STARD10: variants seen among roughly 807,000 people sequenced by gnomAD.
STARD10 encodes StAR related lipid transfer domain containing 10, also known as START domain-containing protein 10.
STARD10 carries 24 observed loss-of-function variants against 36.0 expected under a neutral mutation model. The observed-to-expected ratio is 0.67, with a 90% CI of 0.48 to 0.94. STARD10 has a LOEUF of 0.94. Ranked by LOEUF, STARD10 falls within the 40% of genes least tolerant of loss-of-function variation. The probability of loss-of-function intolerance (pLI) is 0.00; values close to 1 mark genes in which losing one functional copy is unlikely to be tolerated. For synonymous variants in STARD10, 156 were observed against 161.9 expected, an observed-to-expected ratio of 0.96 and a Z score of 0.28; for missense variants, 335 against 396.6, an observed-to-expected ratio of 0.84 and a Z score of 1.32.
At chr11:72,757,000 C>T (rs763238801) in intron 5 of STARD10, among the ~76,000 whole-genome samples, 11 of 152,004 alleles carry the variant, frequency 7.2e-5, no homozygotes, top group Non-Finnish European at 1.6e-4. Flanking sequence ...AAAAAGTTAG[C>T]TGGGGGTGGT....
chr11:72,776,557 C>T (rs553480274), intron 2 of STARD10, among the ~76,000 whole-genome samples: 69 of 152,092 alleles, frequency 4.5e-4, no homozygotes, highest in Non-Finnish European at 8.2e-4. Flanking sequence ...AAGGGAGTGG[C>T]GAGATCTCAG....
rs748180152 is a variant in STARD10, at chr11:72,759,295, G to A, written c.294C>T (p.Asn98=). The A allele has an allele frequency of 2.2e-5, 35 of 1,614,014 alleles. No individual in the cohort carries two copies. In the East Asian group the frequency reaches 2.7e-4, roughly 12 times the overall value. The part of the protein sequence containing the change: ...DIEYRKKWDS[N]VIETFDIARL... Reference sequence around the variant, plus strand: ...GGGCGATGTCAAAAGTCTCAATGACGTTGCTGTCCCATTTCTTGCGGTACT... The same window carrying A: ...GGGCGATGTCAAAAGTCTCAATGACATTGCTGTCCCATTTCTTGCGGTACT... Residue 98 remains asparagine (N), a synonymous_variant, in exon 3 of 7, where the codon AAC becomes AAT. Transcript: ENST00000334805.
At chr11:72,779,602 G>A (rs532328025) in intron 2 of STARD10, among the ~76,000 whole-genome samples, 1 of 152,072 alleles carries the variant, frequency 6.6e-6, no homozygotes, top group Non-Finnish European at 1.5e-5. Flanking sequence ...AAAGAAAAAA[G>A]GATAGGAGAC....
chr11:72,777,022 C>T, intron 2 of STARD10, among the ~76,000 whole-genome samples: 1 of 152,188 alleles, frequency 6.6e-6, no homozygotes, highest in East Asian at 1.9e-4. Flanking sequence ...GGCTCTCAGC[C>T]ACACCCCCTC....
chr11:72,768,241 G>A (rs538702571), intron 2 of STARD10, among the ~76,000 whole-genome samples: 6 of 152,120 alleles, frequency 3.9e-5, no homozygotes, highest in Admixed American at 2.0e-4. Flanking sequence ...GAGCCCCAGC[G>A]CCAGTGCCCC....
chr11:72,760,534 T>A (rs1476938537), intron 2 of STARD10, among the ~76,000 whole-genome samples: 1 of 152,204 alleles, frequency 6.6e-6, no homozygotes, highest in Non-Finnish European at 1.5e-5. Flanking sequence ...CCTGGATTTC[T>A]TACTGTGTAT....
chr11:72,756,268 G>A (rs1858642733), intron 5 of STARD10, among the ~76,000 whole-genome samples: 2 of 152,120 alleles, frequency 1.3e-5, no homozygotes, highest in South Asian at 2.1e-4. Flanking sequence ...CTCCACCTCT[G>A]ACACCCAACA....
intron 2 of STARD10, among the ~76,000 whole-genome samples, chr11:72,761,840 C>G (rs543425606): frequency 1.3e-5 from 2 of 150,898 alleles, no homozygotes; most frequent in African/African-American, 2.4e-5. Flanking sequence ...AAGGTGTTAA[C>G]AGTGGAGATC....
chr11:72,755,008 C>A lies in STARD10; in HGVS notation c.765G>T (p.Gln255His). ...PSLALSELSV[Q>H]HADSLENIDE... ...CGATGTTCTCCAGTGAGTCCGCATG[C>A]TGCACCGACAGCTCCGACAGCGCCA... Residue 255 changes from glutamine (Q) to histidine (H), a missense_variant, in exon 7 of 7, where the codon CAG becomes CAT. Gln to His is a conservative substitution (Grantham distance 24). Transcript: ENST00000334805. The A allele has an allele frequency of 6.2e-7, 1 of 1,613,170 alleles. No homozygotes were observed. Among genetic ancestry groups the A allele is most frequent in the Non-Finnish European group, 8.5e-7 (1 of 1,179,748 alleles).
In STARD10 at chr11:72,776,746, A is replaced by G. The variant is rs138250009; in HGVS notation, c.207+4229T>C. Reference sequence around the variant, plus strand: ...ATGACCCTTTTAAGTCCCAGAGACTAGTAAGAGTGGGAAGGGCCTTGGAGA... The same window carrying G: ...ATGACCCTTTTAAGTCCCAGAGACTGGTAAGAGTGGGAAGGGCCTTGGAGA... On this transcript the variant is annotated intron_variant, in intron 2 of 6. Coordinates refer to ENST00000334805, the MANE Select transcript of STARD10 (RefSeq NM_006645.3). 3.0e-3 allele frequency among the ~76,000 whole-genome samples: 452 copies of G among 152,144 alleles called. 1 individual carries two copies. The highest frequency in any genetic ancestry group is 0.01 in the African/African-American group (427 of 41,524).
At chr11:72,762,029 GATT>G (rs1414651797) in intron 2 of STARD10, among the ~76,000 whole-genome samples, 3 of 143,788 alleles carry the variant, frequency 2.1e-5, no homozygotes, top group African/African-American at 7.7e-5. Flanking sequence ...GGGTTCAAGT[GATT>G]CTTCTGCCTC....
chr11:72,767,039 T>C (rs926173872), intron 2 of STARD10, among the ~76,000 whole-genome samples: 2 of 152,164 alleles, frequency 1.3e-5, no homozygotes, highest in African/African-American at 4.8e-5. Flanking sequence ...TGTTCTAACT[T>C]CTCCATACAT....
chr11:72,774,175 C>A (rs1003342730), intron 2 of STARD10, among the ~76,000 whole-genome samples: 2 of 152,158 alleles, frequency 1.3e-5, no homozygotes, highest in African/African-American at 4.8e-5. Flanking sequence ...GAGTAAATGG[C>A]TCAGGCACCA....
intron 2 of STARD10, among the ~76,000 whole-genome samples, chr11:72,778,620 G>A (rs1048268980): frequency 2.6e-5 from 4 of 152,282 alleles, no homozygotes; most frequent in East Asian, 3.9e-4. Context: ...TCTCTCCATT[G>A]TAGGGAGCAA....
Position 72,755,072 on chromosome 11 carries a change from T to C in STARD10, c.701A>G (p.Lys234Arg). Residue 234 changes from lysine (K) to arginine (R), a missense_variant, in exon 7 of 7, where the codon AAG becomes AGG. Lys to Arg is a conservative substitution (Grantham distance 26). Coordinates refer to ENST00000334805, the MANE Select transcript of STARD10 (RefSeq NM_006645.3). ...EWKQKHLPHF[K>R]PWLHPEQSPL... ...GCTCTGCTCCGGGTGCAGCCACGGC[T>C]TGAAGTGAGGCAGGTGCTTCTGTTT... The C allele has an allele frequency of 1.2e-6, 2 of 1,613,404 alleles. No individual in the cohort carries two copies. Among genetic ancestry groups the C allele is most frequent in the Non-Finnish European group, 8.5e-7 (1 of 1,179,788 alleles).
At chr11:72,756,346 C>A (rs1858643850) in intron 5 of STARD10, among the ~76,000 whole-genome samples, 1 of 152,120 alleles carries the variant, frequency 6.6e-6, no homozygotes, top group Non-Finnish European at 1.5e-5. Context: ...CATTTCCAGG[C>A]AAGGATGCTC....
intron 2 of STARD10, among the ~76,000 whole-genome samples, chr11:72,766,902 G>A (rs1307126191): frequency 6.6e-6 from 1 of 152,154 alleles, no homozygotes; most frequent in African/African-American, 2.4e-5. Flanking sequence ...CTTGCCCATG[G>A]GATATGTGGG....
intron 1 of STARD10, among the ~76,000 whole-genome samples, chr11:72,784,540 T>C (rs1334147781): frequency 2.0e-5 from 3 of 152,096 alleles, no homozygotes; most frequent in Non-Finnish European, 4.4e-5. Context: ...CAAAAATGCA[T>C]GGTTCCAACA....
At chr11:72,765,181 G>A (rs1164680080) in intron 2 of STARD10, among the ~76,000 whole-genome samples, 15 of 152,144 alleles carry the variant, frequency 9.9e-5, no homozygotes, top group African/African-American at 3.6e-4. Context: ...CAGGAGAATC[G>A]CTTGAACCCG....
Sources: allele counts gnomAD v4.1 joint callset (sites outside exome capture counted in the v4.1 genomes callset), GRCh38; gene constraint gnomAD v4.1.1; transcripts MANE v1.5; gene names NCBI Gene and HGNC (gene_info 2026-07-23, HGNC 2026-07-21).